The following GNAL variants were observed in gnomAD, a reference collection of about 807,000 sequenced individuals.
GNAL encodes guanine nucleotide-binding protein G(olf) subunit alpha.
A neutral mutation model predicts 55.1 loss-of-function variants in GNAL; 18 were observed. The ratio of observed to expected loss-of-function variants is 0.33; its 90% confidence interval spans 0.23 to 0.48. The LOEUF (loss-of-function observed/expected upper bound fraction) is 0.48. GNAL is among the 20% of genes least tolerant of loss of function. The probability of loss-of-function intolerance (pLI) is 0.99; values close to 1 mark genes in which losing one functional copy is unlikely to be tolerated. For missense variants in GNAL, 412 were observed against 614.1 expected, an observed-to-expected ratio of 0.67 and a Z score of 3.48; for synonymous variants, 253 against 237.0, an observed-to-expected ratio of 1.07 and a Z score of -0.62.
At chr18:11,732,584 G>C (rs2032364067) in intron 1 of GNAL, among the ~76,000 whole-genome samples, 1 of 151,230 alleles carries the variant, frequency 6.6e-6, no homozygotes, top group Admixed American at 6.6e-5. Flanking sequence ...CTCACCCATG[G>C]GTATCTGTTC....
chr18:11,697,665 C>T (rs536724162), intron 1 of GNAL, among the ~76,000 whole-genome samples: 7 of 152,174 alleles, frequency 4.6e-5, no homozygotes, highest in South Asian at 2.1e-4. Context: ...AACGGAATCC[C>T]GGGAACCTGG....
chr18:11,693,410 C>T (rs2031313361), intron 1 of GNAL, among the ~76,000 whole-genome samples: 1 of 150,618 alleles, frequency 6.6e-6, no homozygotes, highest in Admixed American at 6.6e-5. Flanking sequence ...TTGTATGTAT[C>T]CTCCACCCAG....
intron 4 of GNAL, among the ~76,000 whole-genome samples, chr18:11,761,121 C>T (rs1052718878): frequency 9.9e-5 from 15 of 152,122 alleles, no homozygotes; most frequent in African/African-American, 3.6e-4. Flanking sequence ...CCCCAGGTCC[C>T]GTGGTCTGAC....
At chr18:11,851,637 G>C in intron 5 of GNAL, 1 of 1,614,016 alleles carries the variant, frequency 6.2e-7, no homozygotes, top group Non-Finnish European at 8.5e-7. Flanking sequence ...CCATTCAGAA[G>C]GGCAACATGG....
intron 4 of GNAL, among the ~76,000 whole-genome samples, chr18:11,787,914 G>A (rs144772653): frequency 5.1e-4 from 78 of 151,990 alleles, no homozygotes; most frequent in Non-Finnish European, 9.3e-4. Context: ...TAGGATCATG[G>A]GCAGCCGGCA....
At chr18:11,726,037 T>C (rs2032203905) in intron 1 of GNAL, among the ~76,000 whole-genome samples, 1 of 152,238 alleles carries the variant, frequency 6.6e-6, no homozygotes, top group Non-Finnish European at 1.5e-5. Context: ...GACTTGTGTT[T>C]CCTCCTTTGT....
chr18:11,732,112 G>A (rs2032352833), intron 1 of GNAL, among the ~76,000 whole-genome samples: 3 of 152,062 alleles, frequency 2.0e-5, no homozygotes, highest in Admixed American at 2.0e-4. Flanking sequence ...CTGCTTCTGT[G>A]CTTTCATGAA....
intron 5 of GNAL, chr18:11,852,754 A>G (rs578065718): frequency 6.0e-6 from 1 of 166,866 alleles, no homozygotes; most frequent in South Asian, 2.1e-4. Flanking sequence ...CTTACATTCT[A>G]TAAATTTTTC....
chr18:11,719,874 T>A (rs1184955399), intron 1 of GNAL, among the ~76,000 whole-genome samples: 1 of 152,236 alleles, frequency 6.6e-6, no homozygotes, highest in Non-Finnish European at 1.5e-5. Flanking sequence ...TCAAGACATT[T>A]ATAGCAGCAT....
At chr18:11,758,485 TA>T (rs1041957773) in intron 4 of GNAL, among the ~76,000 whole-genome samples, 2 of 151,988 alleles carry the variant, frequency 1.3e-5, no homozygotes, top group Non-Finnish European at 2.9e-5. Flanking sequence ...AAGCAAAAAA[TA>T]AAAAAACTCC....
intron 5 of GNAL, among the ~76,000 whole-genome samples, chr18:11,861,647 G>A (rs1428099658): frequency 3.3e-5 from 5 of 152,184 alleles, no homozygotes; most frequent in South Asian, 4.1e-4. Context: ...TGCAGGGGCC[G>A]TGGTCACTCA....
At chr18:11,879,204 A>G (rs1393038357) in intron 11 of GNAL, among the ~76,000 whole-genome samples, 1 of 151,846 alleles carries the variant, frequency 6.6e-6, no homozygotes, top group Non-Finnish European at 1.5e-5. Flanking sequence ...CTATTGCTAA[A>G]ATAGGTCTAT....
intron 10 of GNAL, chr18:11,874,400 A>G: frequency 6.6e-6 from 1 of 150,934 alleles, no homozygotes; most frequent in Non-Finnish European, 1.5e-5. Context: ...CAAAGCAAAA[A>G]CTACACACCA....
At chr18:11,730,223 G>A (rs1020793980) in intron 1 of GNAL, among the ~76,000 whole-genome samples, 4 of 149,566 alleles carry the variant, frequency 2.7e-5, no homozygotes, top group African/African-American at 5.0e-5. Context: ...GCAGTGGCAC[G>A]ATCTCAGCTC....
At chr18:11,805,166 T>C (rs4797581) in intron 4 of GNAL, among the ~76,000 whole-genome samples, 58,642 of 97,326 alleles carry the variant, frequency 0.6, 22,046 homozygotes, top group Admixed American at 0.78. Context: ...GAGTGGAACA[T>C]GGAGATACTG....
At chr18:11,792,416 C>G (rs1348499260) in intron 4 of GNAL, among the ~76,000 whole-genome samples, 1 of 152,182 alleles carries the variant, frequency 6.6e-6, no homozygotes, top group Non-Finnish European at 1.5e-5. Flanking sequence ...AAACTCCTGA[C>G]CTCAGGTGAT....
At chr18:11,758,027 A>G (rs978842798) in intron 4 of GNAL, among the ~76,000 whole-genome samples, 3 of 152,108 alleles carry the variant, frequency 2.0e-5, no homozygotes, top group Admixed American at 1.3e-4. Context: ...AAGGTAGGCA[A>G]GGTCAAGATG....
intron 5 of GNAL, among the ~76,000 whole-genome samples, chr18:11,843,186 AC>A (rs2035655259): frequency 6.6e-6 from 1 of 150,958 alleles, no homozygotes; most frequent in African/African-American, 2.4e-5. Flanking sequence ...ACAAAGCAAG[AC>A]CCTGTCGCTA....
intron 4 of GNAL, among the ~76,000 whole-genome samples, chr18:11,755,388 C>A (rs1430766235): frequency 6.6e-6 from 1 of 152,160 alleles, no homozygotes; most frequent in Non-Finnish European, 1.5e-5. Context: ...ATTCTCCTGC[C>A]TCAGCCTCCC....
Sources: allele counts gnomAD v4.1 joint callset (sites outside exome capture counted in the v4.1 genomes callset), GRCh38; gene constraint gnomAD v4.1.1; transcripts MANE v1.5; gene names NCBI Gene and HGNC (gene_info 2026-07-23, HGNC 2026-07-21).